SAMTOR: variants seen among roughly 807,000 people sequenced by gnomAD.
The protein encoded by SAMTOR is UPF0532 protein C7orf60.
chr7:112,821,855 T>C, the SAMTOR span: 6 of 1,613,722 alleles, frequency 3.7e-6, no homozygotes, highest in Admixed American at 5.0e-5. Flanking sequence ...TGAAACCATA[T>C]GCTAGTTGTT....
the SAMTOR span, chr7:112,820,853 A>C: frequency 7.9e-5 from 12 of 152,052 alleles, no homozygotes; most frequent in African/African-American, 1.2e-4. Context: ...GACCCTATCA[A>C]AGTTGGTTTC....
At chr7:112,849,845 G>C in the SAMTOR span, among the ~76,000 whole-genome samples, 1 of 152,182 alleles carries the variant, frequency 6.6e-6, no homozygotes, top group South Asian at 2.1e-4. Flanking sequence ...TGTGTCTATT[G>C]AAGTGATCAT....
the SAMTOR span, chr7:112,822,458 A>AT: frequency 9.1e-7 from 1 of 1,103,642 alleles, no homozygotes; most frequent in African/African-American, 1.6e-5. Flanking sequence ...ACCATTTCAC[A>AT]TATCATAGTA....
the SAMTOR span, among the ~76,000 whole-genome samples, chr7:112,902,432 A>AC: frequency 1.4e-4 from 15 of 110,994 alleles, 1 homozygote; most frequent in African/African-American, 1.6e-4. Flanking sequence ...AAAAAAACAA[A>AC]AAAAAACAAA....
the SAMTOR span, chr7:112,832,423 A>G: frequency 4.8e-6 from 3 of 628,178 alleles, no homozygotes; most frequent in Middle Eastern, 4.2e-4. Context: ...ATTATTCACA[A>G]AATGTATTTA....
At chr7:112,881,052 G>T in the SAMTOR span, among the ~76,000 whole-genome samples, 5 of 152,152 alleles carry the variant, frequency 3.3e-5, no homozygotes, top group African/African-American at 9.7e-5. Context: ...CGCTCTTGGG[G>T]GCCTGGGAAG....
chr7:112,872,714 G>A, the SAMTOR span, among the ~76,000 whole-genome samples: 1 of 151,424 alleles, frequency 6.6e-6, no homozygotes, highest in Non-Finnish European at 1.5e-5. Flanking sequence ...GTATGATTCT[G>A]TTCTTCAGAA....
At chr7:112,825,264 C>A in the SAMTOR span, among the ~76,000 whole-genome samples, 5 of 151,888 alleles carry the variant, frequency 3.3e-5, no homozygotes, top group African/African-American at 9.7e-5. Flanking sequence ...TGGACTCCAA[C>A]AATCCACTTG....
chr7:112,845,752 C>A, the SAMTOR span, among the ~76,000 whole-genome samples: 2 of 152,070 alleles, frequency 1.3e-5, no homozygotes, highest in African/African-American at 4.8e-5. Context: ...CAAAGGAATA[C>A]AAATCATTTT....
the SAMTOR span, among the ~76,000 whole-genome samples, chr7:112,856,060 A>G: frequency 1 from 152,176 of 152,216 alleles, 76,068 homozygotes; most frequent in Middle Eastern, 1. Flanking sequence ...ATAAAAACCC[A>G]GAACTTTATG....
chr7:112,907,394 C>G, the SAMTOR span, among the ~76,000 whole-genome samples: 6 of 152,144 alleles, frequency 3.9e-5, no homozygotes, highest in Non-Finnish European at 8.8e-5. Context: ...GAAGAAAACA[C>G]GAGTGAATAA....
At chr7:112,871,619 C>T in the SAMTOR span, among the ~76,000 whole-genome samples, 2 of 151,760 alleles carry the variant, frequency 1.3e-5, no homozygotes, top group African/African-American at 2.4e-5. Context: ...TGGAAAAACA[C>T]AAACTGATTG....
At chr7:112,922,146 C>T in the SAMTOR span, among the ~76,000 whole-genome samples, 13 of 152,142 alleles carry the variant, frequency 8.5e-5, no homozygotes, top group African/African-American at 3.1e-4. Context: ...TTGGTGGAGA[C>T]GGGGTTTCGC....
At chr7:112,926,110 T>C in the SAMTOR span, among the ~76,000 whole-genome samples, 1 of 152,168 alleles carries the variant, frequency 6.6e-6, no homozygotes, top group Non-Finnish European at 1.5e-5. Flanking sequence ...ACAATCTCAG[T>C]GGGCTCCAGC....
the SAMTOR span, among the ~76,000 whole-genome samples, chr7:112,936,577 T>C: frequency 5.5e-3 from 839 of 152,304 alleles, 4 homozygotes; most frequent in Non-Finnish European, 9.8e-3. Flanking sequence ...AATCTTTTCT[T>C]ATCACAGCAA....
the SAMTOR span, among the ~76,000 whole-genome samples, chr7:112,842,802 G>T: frequency 6.6e-6 from 1 of 151,888 alleles, no homozygotes; most frequent in African/African-American, 2.4e-5. Flanking sequence ...TCTATTAAAA[G>T]ACTGTACTTT....
At chr7:112,821,904 G>A in the SAMTOR span, 2 of 1,613,250 alleles carry the variant, frequency 1.2e-6, no homozygotes, top group Non-Finnish European at 1.7e-6. Context: ...GGAAGGGTTA[G>A]AATATTCCTC....
chr7:112,836,333 G>T, the SAMTOR span, among the ~76,000 whole-genome samples: 6 of 151,980 alleles, frequency 3.9e-5, no homozygotes, highest in Non-Finnish European at 7.4e-5. Flanking sequence ...TAATGGGGTT[G>T]TTTTCTACCT....
At chr7:112,833,049 T>C in the SAMTOR span, among the ~76,000 whole-genome samples, 1 of 152,186 alleles carries the variant, frequency 6.6e-6, no homozygotes, top group African/African-American at 2.4e-5. Flanking sequence ...GTATTGGGAT[T>C]AGAGGCGTGA....
Sources: gnomAD v4.1 joint callset for allele counts (sites outside exome capture counted in the v4.1 genomes callset) on GRCh38, gnomAD v4.1.1 for gene constraint, MANE v1.5 for transcripts, NCBI Gene and HGNC (gene_info 2026-07-23, HGNC 2026-07-21) for gene names.